ABCD3: variants seen among roughly 807,000 people sequenced by gnomAD.
ABCD3 encodes the protein ATP-binding cassette sub-family D member 3.
Under a neutral mutation model 105.5 loss-of-function variants are expected in ABCD3, and 41 were observed. The ratio of observed to expected loss-of-function variants is 0.39; its 90% CI spans 0.30 to 0.50. The LOEUF (loss-of-function observed/expected upper bound fraction) is 0.50, where lower values mean the gene tolerates loss of function less well. Ranked by LOEUF, ABCD3 falls within the 20% of genes least tolerant of loss-of-function variation. The pLI, the probability that ABCD3 is intolerant of heterozygous loss-of-function variation, is 0.84. For synonymous variants in ABCD3, 258 were observed against 269.0 expected (o/e 0.96, Z 0.40); for missense variants, 622 against 806.3 (o/e 0.77, Z 2.77).
chr1:94,405,290 CACATAGTA>C, the ABCD3 span, among the ~76,000 whole-genome samples: 14 of 149,880 alleles, frequency 9.3e-5, no homozygotes, highest in African/African-American at 3.4e-4. Context: ...CATACCTTGC[CACATAGTA>C]ACATTATCAA....
chr1:94,516,096 A>G (rs1428485552), intron 22 of ABCD3, among the ~76,000 whole-genome samples: 1 of 151,944 alleles, frequency 6.6e-6, no homozygotes, highest in Non-Finnish European at 1.5e-5. Context: ...ACCTTCAAGA[A>G]CTTTAGGATG....
intron 12 of ABCD3, 38 bp from the exon 13 acceptor site, chr1:94,487,854 G>A: frequency 6.2e-7 from 1 of 1,607,018 alleles, no homozygotes; most frequent in Non-Finnish European, 8.5e-7. Context: ...TTTAGTCATA[G>A]AACTATAAGT....
chr1:94,511,134 T>TG, intron 21 of ABCD3, among the ~76,000 whole-genome samples: 1 of 152,278 alleles, frequency 6.6e-6, no homozygotes, highest in South Asian at 2.1e-4. Flanking sequence ...TGGTACCAGT[T>TG]GTTCCTTTCC....
rs917944798 is a variant in ABCD3, at chr1:94,439,330, A to AT, written c.111-19268dup. 6.4e-4 allele frequency among the ~76,000 whole-genome samples: 96 copies of AT among 150,766 alleles called. 1 individual carries two copies. Among genetic ancestry groups the AT allele is most frequent in the South Asian group, 1.5e-3 (7 of 4,740 alleles). ...ACTTGGTCTTTTGTGTATCCAAAGG[A>AT]TTTTTTTTTCACATTAAAAAAAAAT... is the stretch of plus-strand genomic sequence containing the variant. On this transcript the variant is annotated intron_variant, in intron 1 of 22. Transcript: ENST00000370214.
the ABCD3 span, among the ~76,000 whole-genome samples, chr1:94,401,875 A>G: frequency 6.6e-6 from 1 of 152,208 alleles, no homozygotes; most frequent in African/African-American, 2.4e-5. Context: ...GAGTTTTGAC[A>G]TTTGTAAATA....
At chr1:94,391,074 A>G in the ABCD3 span, among the ~76,000 whole-genome samples, 1 of 152,174 alleles carries the variant, frequency 6.6e-6, no homozygotes, top group Admixed American at 6.5e-5. Context: ...GGGAATATTT[A>G]TCATATATCC....
intron 1 of ABCD3, among the ~76,000 whole-genome samples, chr1:94,457,330 G>A (rs1028451211): frequency 3.3e-4 from 50 of 152,112 alleles, no homozygotes; most frequent in African/African-American, 1.1e-3. Context: ...AATAATCTAC[G>A]TGCTTTTTAA....
the ABCD3 span, among the ~76,000 whole-genome samples, chr1:94,391,166 T>C: frequency 6.6e-6 from 1 of 152,176 alleles, no homozygotes; most frequent in Non-Finnish European, 1.5e-5. Flanking sequence ...AAATGACTTA[T>C]CTGGAAAGTG....
At chr1:94,480,819 C>G (rs546310286) in intron 9 of ABCD3, among the ~76,000 whole-genome samples, 3 of 152,260 alleles carry the variant, frequency 2.0e-5, no homozygotes, top group African/African-American at 7.2e-5. Context: ...ATTCCTGATT[C>G]ACCTGTTCAT....
At chr1:94,435,616 TATTA>T (rs911371937) in intron 1 of ABCD3, among the ~76,000 whole-genome samples, 1 of 152,228 alleles carries the variant, frequency 6.6e-6, no homozygotes, top group African/African-American at 2.4e-5. Flanking sequence ...TCAGTGAATT[TATTA>T]AAGCTTGCAA....
upstream of ABCD3, among the ~76,000 whole-genome samples, chr1:94,418,289 C>T (rs1017838761): frequency 3.3e-5 from 5 of 152,168 alleles, no homozygotes; most frequent in African/African-American, 1.2e-4. Context: ...GAGCGCGCTC[C>T]CGCCGGGCCA....
At chr1:94,418,110 C>G (rs374225100), upstream of ABCD3, among the ~76,000 whole-genome samples, 28 of 152,240 alleles carry the variant, frequency 1.8e-4, no homozygotes, top group East Asian at 5.2e-3. Flanking sequence ...TTGTGAAAGC[C>G]GGGGTGTGCG....
chr1:94,458,345 A>T (rs548525347), intron 1 of ABCD3, among the ~76,000 whole-genome samples: 1 of 152,356 alleles, frequency 6.6e-6, no homozygotes, highest in Non-Finnish European at 1.5e-5. Flanking sequence ...GTATTTATAC[A>T]CACACATACA....
In ABCD3 at chr1:94,482,253, T is replaced by TG. The variant is rs541763392; in HGVS notation, c.828-916dup. The TG allele has an allele frequency of 1.2e-3, 188 of 152,348 alleles. 1 individual carries two copies. Among genetic ancestry groups the TG allele is most frequent in the African/African-American group, 4.2e-3 (175 of 41,582 alleles). 9.4% of individuals were successfully genotyped at this position (152,348 alleles called of 1,614,324 possible). A position where few individuals can be genotyped will look rare whatever the true frequency, so the allele number is the denominator to read the frequency against. ...TATCTTATGGGAAGTTAATTTTACT[T>TG]GAAGTGGTTGAGGTAGGTGGTACCT... On this transcript the variant is annotated intron_variant, in intron 9 of 22. Transcript: ENST00000370214.
intron 8 of ABCD3, chr1:94,478,586 C>T (rs1648881761): frequency 6.5e-7 from 1 of 1,543,596 alleles, no homozygotes; most frequent in Non-Finnish European, 8.9e-7. Flanking sequence ...CGTGGTGGCT[C>T]ATGCCTGTAA....
the ABCD3 span, among the ~76,000 whole-genome samples, chr1:94,405,653 A>G: frequency 2.0e-5 from 3 of 152,172 alleles, no homozygotes; most frequent in Non-Finnish European, 4.4e-5. Flanking sequence ...TGACTTTAGT[A>G]TAGTTTATCT....
intron 1 of ABCD3, among the ~76,000 whole-genome samples, chr1:94,433,838 G>A (rs1031747414): frequency 6.6e-5 from 10 of 151,444 alleles, no homozygotes; most frequent in Admixed American, 5.9e-4. Flanking sequence ...CAGTTAAAAC[G>A]GGGTTTTGCC....
At chr1:94,461,757 C>T (rs908067726) in intron 2 of ABCD3, among the ~76,000 whole-genome samples, 33 of 151,938 alleles carry the variant, frequency 2.2e-4, no homozygotes, top group Admixed American at 6.6e-4. Context: ...GTATTATAAA[C>T]GAGTACGATG....
chr1:94,396,579 A>T, the ABCD3 span, among the ~76,000 whole-genome samples: 1 of 149,254 alleles, frequency 6.7e-6, no homozygotes, highest in Admixed American at 6.7e-5. Flanking sequence ...ACTGTTCCTC[A>T]TGTGAATAGA....
Sources: gnomAD v4.1 joint callset for allele counts (sites outside exome capture counted in the v4.1 genomes callset) on GRCh38, gnomAD v4.1.1 for gene constraint, MANE v1.5 for transcripts, NCBI Gene and HGNC (gene_info 2026-07-23, HGNC 2026-07-21) for gene names.